The following LAMA2 variants were observed in gnomAD, a reference collection of about 807,000 sequenced individuals.
LAMA2 encodes the protein laminin subunit alpha 2.
Under a neutral mutation model 364.8 loss-of-function variants are expected in LAMA2, and 269 were observed. The ratio of observed to expected loss-of-function variants is 0.74; its 90% CI spans 0.67 to 0.82. The LOEUF (loss-of-function observed/expected upper bound fraction) is 0.82, where lower values mean the gene tolerates loss of function less well. Ranked by LOEUF, LAMA2 falls within the 40% of genes least tolerant of loss-of-function variation. The probability of loss-of-function intolerance (pLI) is 0.00; values close to 1 mark genes in which losing one functional copy is unlikely to be tolerated. For missense variants in LAMA2, 3,807 were observed against 3,873.2 expected, an observed-to-expected ratio of 0.98 and a Z score of 0.45; for synonymous variants, 1,379 against 1,370.6, an observed-to-expected ratio of 1.01 and a Z score of -0.14.
intron 17 of LAMA2, among the ~76,000 whole-genome samples, chr6:129,274,790 CAAT>C (rs963012794): frequency 1.3e-5 from 2 of 151,858 alleles, no homozygotes; most frequent in African/African-American, 4.8e-5. Flanking sequence ...AAGCAAATAA[CAAT>C]GTAACTATTT....
At chr6:128,971,951 A>G (rs1212030752) in intron 1 of LAMA2, among the ~76,000 whole-genome samples, 1 of 152,200 alleles carries the variant, frequency 6.6e-6, no homozygotes, top group Non-Finnish European at 1.5e-5. Context: ...GCAAGCCATT[A>G]GCAGCCAACC....
At chr6:129,306,603 G>A (rs886364307) in intron 22 of LAMA2, among the ~76,000 whole-genome samples, 2 of 150,270 alleles carry the variant, frequency 1.3e-5, no homozygotes, top group Non-Finnish European at 3.0e-5. Context: ...TTTGTATGTT[G>A]GGCCAATTGA....
chr6:128,886,377 A>G (rs1776149007), intron 1 of LAMA2, among the ~76,000 whole-genome samples: 1 of 152,176 alleles, frequency 6.6e-6, no homozygotes, highest in African/African-American at 2.4e-5. Flanking sequence ...AGACAGGAAG[A>G]GAAAGGCCAC....
intron 12 of LAMA2, among the ~76,000 whole-genome samples, chr6:129,220,027 A>G (rs531279719): frequency 6.6e-5 from 10 of 152,266 alleles, no homozygotes; most frequent in African/African-American, 2.2e-4. Flanking sequence ...CATCGTATGG[A>G]TTGACACTGG....
At chr6:128,969,795 AAATT>A (rs1388812416) in intron 1 of LAMA2, among the ~76,000 whole-genome samples, 1 of 152,206 alleles carries the variant, frequency 6.6e-6, no homozygotes, top group Admixed American at 6.5e-5. Context: ...TAAAACAAAA[AAATT>A]AAAACTACTG....
chr6:128,962,173 T>TATAC (rs1235047722), intron 1 of LAMA2, among the ~76,000 whole-genome samples: 1 of 118,296 alleles, frequency 8.5e-6, no homozygotes, highest in Non-Finnish European at 1.7e-5. Context: ...TATATATATA[T>TATAC]ATATATATAT....
chr6:129,468,610 G>A (rs907599224), intron 51 of LAMA2, among the ~76,000 whole-genome samples: 12 of 151,874 alleles, frequency 7.9e-5, no homozygotes, highest in African/African-American at 2.7e-4. Context: ...AATCTCAATA[G>A]ATGACAAGCA....
rs529396064 is a variant in LAMA2, at chr6:129,130,690, T to C, written c.640-13211T>C. On this transcript the variant is annotated intron_variant, in intron 4 of 64. Transcript: ENST00000421865. ...CACTGGACTTACAGCGTATTCCTTT[T>C]TTTAAGGAACCAAGTTCACAGTTGT... 3.9e-5 allele frequency among the ~76,000 whole-genome samples: 6 copies of C among 152,316 alleles called. No individual in the cohort carries two copies. In the South Asian group the frequency reaches 1.2e-3, roughly 32 times the overall value.
At chr6:129,476,898 C>A (rs1196637942) in intron 53 of LAMA2, among the ~76,000 whole-genome samples, 2 of 152,214 alleles carry the variant, frequency 1.3e-5, no homozygotes, top group African/African-American at 2.4e-5. Flanking sequence ...GGGGTGGAAA[C>A]AGACAGACAC....
Position 129,110,923 on chromosome 6 carries a change from A to T in LAMA2, c.639+12508A>T, listed in dbSNP as rs561154237. ...AAGGGTGTGTCAGTTAATCAGTCTT[A>T]ACAGGAAAGATAATGTACTATTATC... On this transcript the variant is annotated intron_variant, in intron 4 of 64. Transcript: ENST00000421865. Among the ~76,000 whole-genome samples, 5 of 151,968 alleles carry T rather than the reference A, an allele frequency of 3.3e-5. No homozygotes were observed. The East Asian group carries it at 9.7e-4, about 29-fold the overall frequency.
At chr6:129,214,502 G>A (rs1251786036) in intron 12 of LAMA2, among the ~76,000 whole-genome samples, 1 of 152,138 alleles carries the variant, frequency 6.6e-6, no homozygotes, top group Non-Finnish European at 1.5e-5. Flanking sequence ...CACAAATGAT[G>A]TCCAGTTTTT....
chr6:129,344,844 T>C (rs1339446887), intron 30 of LAMA2, among the ~76,000 whole-genome samples: 1 of 152,190 alleles, frequency 6.6e-6, no homozygotes, highest in Non-Finnish European at 1.5e-5. Context: ...ACTATTGTAA[T>C]TGAGCAAATA....
intron 1 of LAMA2, among the ~76,000 whole-genome samples, chr6:128,978,349 C>CTT (rs1236313304): frequency 8.8e-5 from 13 of 147,906 alleles, no homozygotes; most frequent in African/African-American, 3.1e-4. Context: ...TTCTTTCTTT[C>CTT]TTTTTTTTTT....
intron 12 of LAMA2, among the ~76,000 whole-genome samples, chr6:129,228,183 G>C (rs972634171): frequency 1.3e-5 from 2 of 152,194 alleles, no homozygotes; most frequent in African/African-American, 4.8e-5. Context: ...TTGGAAAAGC[G>C]TGGTATTAGG....
intron 12 of LAMA2, among the ~76,000 whole-genome samples, chr6:129,198,102 A>C (rs1396941724): frequency 6.6e-6 from 1 of 152,044 alleles, no homozygotes; most frequent in Non-Finnish European, 1.5e-5. Context: ...TTTCAATGTG[A>C]GTTGGTTTGT....
At position 129,235,075 on chromosome 6, in the gene LAMA2, A is replaced by C. The variant is rs375757067; in HGVS notation, c.1783-15037A>C. Among the ~76,000 whole-genome samples, 314 of 152,332 alleles carry C rather than the reference A, an allele frequency of 2.1e-3. 3 individuals carry two copies. The highest frequency in any genetic ancestry group is 7.2e-3 in the African/African-American group (298 of 41,580). ...ATAATTTTATAATTCAAACCTGTAC[A>C]AGAACTTAGTTTGCCTATCTGAGCA... On this transcript the variant is annotated intron_variant, in intron 12 of 64. Coordinates refer to ENST00000421865, the MANE Select transcript of LAMA2 (RefSeq NM_000426.4).
rs1433718047 is a variant in LAMA2 at position 129,101,493 on chromosome 6, C to A, written c.639+3078C>A. 1.3e-5 allele frequency among the ~76,000 whole-genome samples: 2 copies of A among 152,116 alleles called. 1 individual carries two copies. Among genetic ancestry groups the A allele is most frequent in the Non-Finnish European group, 2.9e-5 (2 of 68,006 alleles). ...TACTATCTTTTGGAGTGACTTTTCT[C>A]TGATTTATTTAAATATTTTTTTCTT... On this transcript the variant is annotated intron_variant, in intron 4 of 64. Coordinates refer to ENST00000421865, the MANE Select transcript of LAMA2 (RefSeq NM_000426.4).
In LAMA2 at chr6:129,502,758, A is replaced by C. The variant is rs761364243; in HGVS notation, c.8344A>C (p.Lys2782Gln). 23 of 1,609,414 alleles carry C rather than the reference A, an allele frequency of 1.4e-5. No individual in the cohort carries two copies. The African/African-American group carries it at 1.7e-4, about 12-fold the overall frequency. The change falls in exon 59 of 65, where the codon AAA (lysine) becomes CAA (glutamine). Residue 2782 changes from lysine to glutamine, a missense_variant. This residue lies in a region of LAMA2 where 3,333 missense variants were observed against 3,345.7 expected (regional missense o/e 1.00). Transcript: ENST00000421865. ...CATTGCAATTGCATTTGATGACACC[A>C]AAGTTAAAAACCGGTATGTATCATC... ...SHIAIAFDDT[K>Q]VKNRLTIELE...
At chr6:128,978,387 G>C (rs539094249) in intron 1 of LAMA2, among the ~76,000 whole-genome samples, 1 of 145,420 alleles carries the variant, frequency 6.9e-6, no homozygotes, top group Non-Finnish European at 1.5e-5. Context: ...GTGTGGTCTC[G>C]GCTCACTGCA....
Sources: gnomAD v4.1 joint callset for allele counts (sites outside exome capture counted in the v4.1 genomes callset) on GRCh38, gnomAD v4.1.1 for gene constraint, gnomAD v4.1.1 regional missense constraint, MANE v1.5 for transcripts, NCBI Gene and HGNC (gene_info 2026-07-23, HGNC 2026-07-21) for gene names.